TNS1: variants seen among roughly 807,000 people sequenced by gnomAD.
The protein encoded by TNS1 is tensin 1.
TNS1 carries 62 observed loss-of-function variants against 168.6 expected under a neutral mutation model. That is an observed-to-expected ratio of 0.37 (90% CI 0.30 to 0.45). The LOEUF is 0.45. TNS1 is among the 20% of genes least tolerant of loss of function. The pLI is 1.00. For synonymous variants in TNS1, 934 were observed against 933.2 expected (o/e 1.00, Z -0.02); for missense variants, 2,240 against 2,339.4 (o/e 0.96, Z 0.88).
At chr2:217,961,694 C>A (rs568153762) in intron 3 of TNS1, among the ~76,000 whole-genome samples, 2 of 152,278 alleles carry the variant, frequency 1.3e-5, no homozygotes, top group South Asian at 2.1e-4. Context: ...CCGGTGGGAC[C>A]CCCCCATTCT....
chr2:217,824,501 C>A (rs1385985714), intron 22 of TNS1, among the ~76,000 whole-genome samples: 3 of 152,200 alleles, frequency 2.0e-5, no homozygotes, highest in Admixed American at 2.0e-4. Context: ...ATGTAAGTAC[C>A]TTGCCCAGGT....
At chr2:217,918,836 C>G (rs971454227) in intron 4 of TNS1, among the ~76,000 whole-genome samples, 8 of 150,304 alleles carry the variant, frequency 5.3e-5, no homozygotes, top group Non-Finnish European at 4.4e-5. Context: ...CGACTGCACT[C>G]CACCCCCCAG....
At chr2:217,964,013 C>T (rs865957534) in intron 3 of TNS1, among the ~76,000 whole-genome samples, 16 of 152,092 alleles carry the variant, frequency 1.1e-4, no homozygotes, top group Admixed American at 2.6e-4. Context: ...CTCCCCACAA[C>T]GTAAGACAGC....
chr2:217,952,134 G>A (rs551157611), intron 3 of TNS1, among the ~76,000 whole-genome samples: 7 of 152,320 alleles, frequency 4.6e-5, no homozygotes, highest in African/African-American at 7.2e-5. Context: ...AAGAACAGGC[G>A]GCCGGAGGGA....
At chr2:217,921,051 G>C (rs543122134) in intron 3 of TNS1, among the ~76,000 whole-genome samples, 1 of 151,922 alleles carries the variant, frequency 6.6e-6, no homozygotes, top group Non-Finnish European at 1.5e-5. Flanking sequence ...GTAGAGGGGA[G>C]GGAGGGAAGG....
intron 1 of TNS1, among the ~76,000 whole-genome samples, chr2:218,023,299 G>A (rs1958825423): frequency 6.6e-6 from 1 of 152,306 alleles, no homozygotes; most frequent in African/African-American, 2.4e-5. Context: ...ATAATGGAGA[G>A]ACTGTGGGTA....
chr2:217,992,813 G>A (rs1392399844), intron 1 of TNS1, among the ~76,000 whole-genome samples: 1 of 152,148 alleles, frequency 6.6e-6, no homozygotes, highest in Non-Finnish European at 1.5e-5. Context: ...AAGGGGGTCA[G>A]AGAATGAAAG....
intron 3 of TNS1, among the ~76,000 whole-genome samples, chr2:217,976,807 C>T (rs1386261884): frequency 1.3e-5 from 2 of 152,252 alleles, no homozygotes; most frequent in Admixed American, 1.3e-4. Flanking sequence ...CCTTATCCTT[C>T]CTAAATATAT....
intron 1 of TNS1, among the ~76,000 whole-genome samples, chr2:217,994,603 G>T (rs970680152): frequency 4.6e-5 from 7 of 152,190 alleles, no homozygotes; most frequent in Non-Finnish European, 8.8e-5. Flanking sequence ...TGGGGCAGCA[G>T]AGTCTCCCAG....
At chr2:217,939,422 C>G (rs1956796301) in intron 3 of TNS1, among the ~76,000 whole-genome samples, 1 of 152,222 alleles carries the variant, frequency 6.6e-6, no homozygotes, top group African/African-American at 2.4e-5. Context: ...GCAAGGATCA[C>G]CAGAGAGGCC....
In TNS1 at chr2:217,879,493, A is replaced by C. The variant is rs1308089538; in HGVS notation, c.1429+1405T>G. 5 of 442,034 alleles carry C rather than the reference A, an allele frequency of 1.1e-5. No homozygotes were observed. In the East Asian group the frequency reaches 3.0e-4, roughly 26 times the overall value. The allele number at this position is 442,034 out of a possible 1,614,324, so 27.4% of individuals were successfully genotyped here. A position where few individuals can be genotyped will look rare whatever the true frequency, so the allele number is the denominator to read the frequency against. On this transcript the variant is annotated intron_variant, in intron 18 of 32. Transcript: ENST00000682258. ...AGGGGCCTGGTGGGGTGTCTTGGCCAATCTGAGGGTGCTGGGCCCCTGGGG... is the reference window on the plus strand; with the variant it reads ...AGGGGCCTGGTGGGGTGTCTTGGCCCATCTGAGGGTGCTGGGCCCCTGGGG...
intron 16 of TNS1, among the ~76,000 whole-genome samples, chr2:217,883,589 A>G (rs1559295631): frequency 2.6e-5 from 4 of 152,136 alleles, no homozygotes; most frequent in African/African-American, 4.8e-5. Context: ...TGATATGTCA[A>G]TTTTCGATGG....
chr2:218,006,370 A>G (rs1387887645), upstream of TNS1, among the ~76,000 whole-genome samples: 1 of 152,204 alleles, frequency 6.6e-6, no homozygotes, highest in African/African-American at 2.4e-5. Flanking sequence ...ACCTTCTGCG[A>G]TGACACGAGT....
intron 18 of TNS1, among the ~76,000 whole-genome samples, chr2:217,873,193 A>G (rs1355007112): frequency 6.6e-6 from 1 of 152,242 alleles, no homozygotes; most frequent in East Asian, 1.9e-4. Flanking sequence ...AATTATATCT[A>G]TACAGCTATT....
At position 217,884,969 on chromosome 2, in the gene TNS1, G is replaced by A. The variant is rs181185813; in HGVS notation, c.1246+66C>T. On this transcript the variant is annotated intron_variant, in intron 16 of 32. Coordinates refer to ENST00000682258, the MANE Select transcript of TNS1 (RefSeq NM_001387777.1). ...AGATGGTCCCCATACCCACCATATC[G>A]TCTCAAACTGAGCTCCTCTCCCTGC... 37 of 1,600,218 alleles carry A rather than the reference G, an allele frequency of 2.3e-5. 1 individual carries two copies. Among genetic ancestry groups the A allele is most frequent in the African/African-American group, 9.4e-5 (7 of 74,756 alleles).
At chr2:218,018,189 G>T (rs957725324) in intron 1 of TNS1, among the ~76,000 whole-genome samples, 1 of 152,180 alleles carries the variant, frequency 6.6e-6, no homozygotes, top group Non-Finnish European at 1.5e-5. Flanking sequence ...CAGGAAACAG[G>T]CTAGGACTAA....
chr2:217,899,429 G>A (rs1018257896), intron 7 of TNS1, among the ~76,000 whole-genome samples: 28 of 152,276 alleles, frequency 1.8e-4, no homozygotes, highest in African/African-American at 6.0e-4. Context: ...GAAGCCACAC[G>A]CACACATACC....
At chr2:217,923,178 G>A (rs554383759) in intron 3 of TNS1, among the ~76,000 whole-genome samples, 7 of 152,260 alleles carry the variant, frequency 4.6e-5, no homozygotes, top group South Asian at 4.1e-4. Context: ...TGGTGCCAGC[G>A]CTGTCATAGG....
intron 3 of TNS1, among the ~76,000 whole-genome samples, chr2:217,937,773 C>T (rs1402370722): frequency 1.3e-5 from 2 of 152,112 alleles, no homozygotes; most frequent in Non-Finnish European, 2.9e-5. Flanking sequence ...TCAGGTGGGA[C>T]TCCTCCAGAG....
Sources: allele counts gnomAD v4.1 joint callset (sites outside exome capture counted in the v4.1 genomes callset), GRCh38; gene constraint gnomAD v4.1.1; transcripts MANE v1.5; gene names NCBI Gene and HGNC (gene_info 2026-07-23, HGNC 2026-07-21).